KAT2A: variants seen among roughly 807,000 people sequenced by gnomAD.
The protein encoded by KAT2A is histone acetyltransferase KAT2A.
Under a neutral mutation model 95.2 loss-of-function variants are expected in KAT2A, and 42 were observed. The observed-to-expected ratio is 0.44, with a 90% CI of 0.34 to 0.57. The LOEUF (loss-of-function observed/expected upper bound fraction) is 0.57, where lower values mean the gene tolerates loss of function less well. Ranked by LOEUF, KAT2A falls within the 20% of genes least tolerant of loss-of-function variation. KAT2A has a pLI of 0.01. For missense variants in KAT2A, 784 were observed against 1,126.3 expected, an observed-to-expected ratio of 0.70 and a Z score of 4.35; for synonymous variants, 449 against 448.2, an observed-to-expected ratio of 1.00 and a Z score of -0.02.
Position 42,117,222 on chromosome 17 carries a change from GGAA to G in KAT2A, c.1638-64_1638-62del. 1 of 1,603,464 alleles carries G rather than the reference GGAA, an allele frequency of 6.2e-7. No individual in the cohort carries two copies. The highest frequency in any genetic ancestry group is 8.5e-7 in the Non-Finnish European group (1 of 1,174,032). ...GTCCCCTTCAGGTCCCCAGAGCCCT[GGAA>G]GTCTGAGCTGTAGTCAGGGTTGGGC... On this transcript the variant is annotated intron_variant, in intron 10 of 17. Transcript: ENST00000225916. The surrounding 1 kb of genome is among the most constrained non-coding windows in gnomAD (Gnocchi z 8.9).
In KAT2A at chr17:42,118,388, C is replaced by T. The variant is rs1555666581; in HGVS notation, c.1089G>A (p.Leu363=). The change falls in exon 7 of 18, where the codon CTG becomes CTA. Residue 363 remains leucine (L), a synonymous_variant. Transcript: ENST00000225916. ...AGTTTGCCCCATAGATCTCCTCCTCCAGCATGGACAGGAATCTGTAGGGAG... is the reference window on the plus strand; with the variant it reads ...AGTTTGCCCCATAGATCTCCTCCTCTAGCATGGACAGGAATCTGTAGGGAG... ...LTHFPKFLSM[L]EEEIYGANSP... is the part of the protein sequence containing the mutation. 1 of 1,610,680 alleles carries T rather than the reference C, an allele frequency of 6.2e-7. No individual in the cohort carries two copies. The highest frequency in any genetic ancestry group is 1.3e-5 in the African/African-American group (1 of 74,856).
Position 42,114,723 on chromosome 17 carries a change from C to G in KAT2A, c.2020-119G>C. 1 of 1,151,130 alleles carries G rather than the reference C, an allele frequency of 8.7e-7. No individual in the cohort carries two copies. Among genetic ancestry groups the G allele is most frequent in the South Asian group, 1.4e-5 (1 of 73,476 alleles). 71.3% of individuals were successfully genotyped at this position (1,151,130 alleles called of 1,614,324 possible). On this transcript the variant is annotated intron_variant, in intron 13 of 17. Transcript: ENST00000225916. This position sits in a 1 kb window ranked among gnomAD's most constrained non-coding sequence, Gnocchi z 6.0. Reference sequence around the variant, plus strand: ...TGCAACGCCACCTAATCCAGCACCTCCCCTCATAACTTCCCCAAGGGAGCA... The same window carrying G: ...TGCAACGCCACCTAATCCAGCACCTGCCCTCATAACTTCCCCAAGGGAGCA...
Position 42,115,710 on chromosome 17 carries a change from G to A in KAT2A, c.1875+13C>T, listed in dbSNP as rs1555665838. On this transcript the variant is annotated intron_variant, in intron 12 of 17. Coordinates refer to ENST00000225916, the MANE Select transcript of KAT2A (RefSeq NM_021078.3). ...CAGGCAAAGGACCGGTGTGGGACGA[G>A]GCTACGGGTCACCTGCTTTTTGAAG... The A allele has an allele frequency of 1.3e-6, 2 of 1,550,366 alleles. No individual in the cohort carries two copies. Among genetic ancestry groups the A allele is most frequent in the Non-Finnish European group, 1.8e-6 (2 of 1,121,950 alleles).
chr17:42,120,671 C>G (rs373403920), intron 2 of KAT2A, 35 bp downstream of exon 2: 16 of 1,613,368 alleles, frequency 9.9e-6, no homozygotes, highest in Non-Finnish European at 1.4e-5. Flanking sequence ...GGACCCAGCA[C>G]CTGCCCCCAG....
intron 11 of KAT2A, 150 bp downstream of exon 11, chr17:42,116,885 C>T (rs1316421103): frequency 3.1e-5 from 29 of 941,958 alleles, no homozygotes; most frequent in South Asian, 9.4e-5. Context: ...TATCAAAGTA[C>T]GGCTGCCACC....
chr17:42,119,566 G>A lies in KAT2A; in HGVS notation c.852C>T (p.Asp284=), dbSNP rs954584942. The change falls in exon 5 of 18, where the codon GAC becomes GAT. Residue 284 remains aspartate, a synonymous_variant. Coordinates refer to ENST00000225916, the MANE Select transcript of KAT2A (RefSeq NM_021078.3). The surrounding 1 kb of genome is among the most constrained non-coding windows in gnomAD (Gnocchi z 5.3). ...AQFRQRSQAE[D]VATYKVNYTR... ...TGTAATTGACCTTGTAGGTAGCCAC[G>A]TCCTCAGCCTGAGACCTCTGCCGAA... 3.7e-6 allele frequency: 6 copies of A among 1,604,142 alleles called. No homozygotes were observed. The highest frequency in any genetic ancestry group is 1.3e-5 in the African/African-American group (1 of 74,538).
Position 42,115,942 on chromosome 17 carries a change from C to T in KAT2A, c.1765-109G>A, listed in dbSNP as rs1389003635. 11 of 733,136 alleles carry T rather than the reference C, an allele frequency of 1.5e-5. No individual in the cohort carries two copies. In the East Asian group the frequency reaches 2.0e-4, roughly 13 times the overall value. 45.4% of individuals were successfully genotyped at this position (733,136 alleles called of 1,614,324 possible). A position where few individuals can be genotyped will look rare whatever the true frequency, so the allele number is the denominator to read the frequency against. On this transcript the variant is annotated intron_variant, in intron 11 of 17. Transcript: ENST00000225916. ...TAGATTGGAAAGGAGGTAGAGAGAG[C>T]GAGAGCATCCAGGCAAAGAGGAAGA... is the stretch of plus-strand genomic sequence containing the variant.
Position 42,117,130 on chromosome 17 carries a change from C to A in KAT2A, c.1669G>T (p.Gly557Trp), listed in dbSNP as rs1555666114. ...KHKTLALIKD[G>W]RVIGGICFRM... ...AAGCAGATGCCACCGATGACCCGCC[C>A]ATCCTTGATCAAGGCCAGAGTCTTG... Residue 557 changes from glycine (G) to tryptophan (W), a missense_variant, in exon 11 of 18, where the codon GGG becomes TGG. Coordinates refer to ENST00000225916, the MANE Select transcript of KAT2A (RefSeq NM_021078.3). This position sits in a 1 kb window ranked among gnomAD's most constrained non-coding sequence, Gnocchi z 8.9. 6.2e-7 allele frequency: 1 copy of A among 1,614,010 alleles called. No homozygotes were observed. The highest frequency in any genetic ancestry group is 1.3e-5 in the African/African-American group (1 of 74,936).
At chr17:42,118,221 T>G (rs1598232560) in intron 7 of KAT2A, 76 bp downstream of exon 7, 7 of 1,192,558 alleles carry the variant, frequency 5.9e-6, no homozygotes, top group African/African-American at 1.5e-5. Flanking sequence ...CCGGCCCAGG[T>G]GAGCTCTCTT....
Position 42,119,734 on chromosome 17 carries a change from T to TG in KAT2A, c.700-17dup, listed in dbSNP as rs781794967. ...TCAGCACACCCTGAGAAGGGGTGGGTGGGGGATAAAACCAGGAATGAGGTG... is the reference window on the plus strand; with the variant it reads ...TCAGCACACCCTGAGAAGGGGTGGGTGGGGGGATAAAACCAGGAATGAGGTG... On this transcript the variant is annotated splice_polypyrimidine_tract_variant and intron_variant, in intron 4 of 17. Transcript: ENST00000225916. The surrounding 1 kb of genome is among the most constrained non-coding windows in gnomAD (Gnocchi z 5.3). 1.3e-6 allele frequency: 2 copies of TG among 1,585,688 alleles called. No homozygotes were observed. Among genetic ancestry groups the TG allele is most frequent in the Non-Finnish European group, 8.6e-7 (1 of 1,164,894 alleles).
Position 42,115,037 on chromosome 17 carries a change from T to TG in KAT2A, c.1876-3dup, listed in dbSNP as rs748645909. On this transcript the variant is annotated splice_region_variant and splice_polypyrimidine_tract_variant and intron_variant, in intron 12 of 17. Coordinates refer to ENST00000225916, the MANE Select transcript of KAT2A (RefSeq NM_021078.3). ...CACCTTGATGTCCTTGGAGAAACCC[T>TG]GGGGGGTGGATGGTCATGACCCAGT... 6.2e-7 allele frequency: 1 copy of TG among 1,613,424 alleles called. No homozygotes were observed. Among genetic ancestry groups the TG allele is most frequent in the Non-Finnish European group, 8.5e-7 (1 of 1,179,704 alleles).
intron 7 of KAT2A, 49 bp downstream of exon 7, chr17:42,118,248 G>T: frequency 7.0e-7 from 1 of 1,419,700 alleles, no homozygotes. Context: ...AGGAGGCTTA[G>T]CTCAGCCAGG....
In KAT2A at chr17:42,121,315, G is replaced by C. The variant is rs2054337563; in HGVS notation, c.-11C>G. ...GGAAGGTTCCGCCATGGCCTCCCCC[G>C]CAGCGGAGAGCGGCGCCGCGCTCCC... is the stretch of plus-strand genomic sequence containing the variant. On this transcript the variant is annotated 5_prime_UTR_variant, in exon 1 of 18. Coordinates refer to ENST00000225916, the MANE Select transcript of KAT2A (RefSeq NM_021078.3). 1 of 1,365,346 alleles carries C rather than the reference G, an allele frequency of 7.3e-7. No homozygotes were observed. Among genetic ancestry groups the C allele is most frequent in the Non-Finnish European group, 9.4e-7 (1 of 1,066,788 alleles). The allele number at this position is 1,365,346 out of a possible 1,614,324, so 84.6% of individuals were successfully genotyped here.
rs2054332448 is a variant in KAT2A at position 42,121,136 on chromosome 17, T to C, written c.169A>G (p.Ser57Gly). ...APAPAAAPAG[S>G]TGTGGPGVGS... ...ACCCCGGGCCCCCCAGTCCCTGTGC[T>C]GCCGGCTGGGGCTGCAGCTGGGGCA... The change falls in exon 1 of 18, where the codon AGC becomes GGC. Residue 57 changes from serine (S) to glycine (G), a missense_variant. By Grantham distance (56) the Ser-to-Gly change is moderately conservative (BLOSUM62 0). Transcript: ENST00000225916. 1 of 1,491,128 alleles carries C rather than the reference T, an allele frequency of 6.7e-7. No individual in the cohort carries two copies. Among genetic ancestry groups the C allele is most frequent in the South Asian group, 1.3e-5 (1 of 79,746 alleles). The allele number at this position is 1,491,128 out of a possible 1,614,324, so 92.4% of individuals were successfully genotyped here.
rs2054316767 is a variant in KAT2A, at chr17:42,120,232, A to T, written c.602T>A (p.Leu201His). 2 of 1,614,158 alleles carry T rather than the reference A, an allele frequency of 1.2e-6. No homozygotes were observed. Among genetic ancestry groups the T allele is most frequent in the Non-Finnish European group, 1.7e-6 (2 of 1,180,008 alleles). ...DTDTKQVYFYLFKLLRKCILQ... is the reference protein window; with the variant it reads ...DTDTKQVYFYHFKLLRKCILQ... ...CCTTTAGTGGAAGCTCACCTTGAAG[A>T]GGTAGAAATAGACCTGCTTGGTGTC... Residue 201 changes from leucine (L) to histidine (H), a missense_variant, in exon 3 of 18, where the codon CTC becomes CAC. Leu to His is a moderately conservative substitution (Grantham distance 99). Transcript: ENST00000225916.
intron 11 of KAT2A, among the ~76,000 whole-genome samples, chr17:42,116,238 G>C (rs1256854758): frequency 1.3e-5 from 2 of 152,018 alleles, no homozygotes; most frequent in Non-Finnish European, 2.9e-5. Flanking sequence ...GGGCCTCAGA[G>C]TTGGGAGAAG....
chr17:42,115,913 C>G, intron 11 of KAT2A, 80 bp from the exon 12 acceptor site: 1 of 829,088 alleles, frequency 1.2e-6, no homozygotes, highest in Non-Finnish European at 2.1e-6. Flanking sequence ...CAGAGAAGAG[C>G]GGGTAGATTG....
Position 42,113,361 on chromosome 17 carries a change from G to A in KAT2A, c.*288C>T. 1 of 312,922 alleles carries A rather than the reference G, an allele frequency of 3.2e-6. No individual in the cohort carries two copies. Among genetic ancestry groups the A allele is most frequent in the Non-Finnish European group, 5.9e-6 (1 of 169,294 alleles). 19.4% of individuals were successfully genotyped at this position (312,922 alleles called of 1,614,324 possible). A position where few individuals can be genotyped will look rare whatever the true frequency, so the allele number is the denominator to read the frequency against. ...AAGCCTCCAAAGCTCTTGGGGACCA[G>A]GCCTGGGGGCCACCACGGCTGGGCA... On this transcript the variant is annotated 3_prime_UTR_variant, in exon 18 of 18. Transcript: ENST00000225916.
In KAT2A at chr17:42,114,617, A is replaced by C; in HGVS notation, c.2020-13T>G. 1.9e-6 allele frequency: 3 copies of C among 1,607,092 alleles called. No individual in the cohort carries two copies. Among genetic ancestry groups the C allele is most frequent in the Non-Finnish European group, 2.6e-6 (3 of 1,175,458 alleles). On this transcript the variant is annotated splice_polypyrimidine_tract_variant and intron_variant, in intron 13 of 17. Transcript: ENST00000225916. The surrounding 1 kb of genome is among the most constrained non-coding windows in gnomAD (Gnocchi z 6.0). Reference sequence around the variant, plus strand: ...GCTTCTTGATGATCTGAGGGAAGGAAGGGACTGAGGGGCCAACTCCAGCCC... The same window carrying C: ...GCTTCTTGATGATCTGAGGGAAGGACGGGACTGAGGGGCCAACTCCAGCCC...
Sources: gnomAD v4.1 joint callset for allele counts (sites outside exome capture counted in the v4.1 genomes callset) on GRCh38, gnomAD v4.1.1 for gene constraint, Gnocchi (gnomAD v3.1) non-coding constraint, MANE v1.5 for transcripts, NCBI Gene and HGNC (gene_info 2026-07-23, HGNC 2026-07-21) for gene names.